Variants in KLF13 observed in about 807,000 individuals in gnomAD.
KLF13 encodes Krueppel-like factor 13.
KLF13 carries 8 observed loss-of-function variants against 16.7 expected under a neutral mutation model. The observed-to-expected ratio is 0.48, with a 90% CI of 0.28 to 0.87. KLF13 has a LOEUF of 0.87. KLF13 is among the 40% of genes least tolerant of loss of function. The probability of loss-of-function intolerance (pLI) is 0.10; values close to 1 mark genes in which losing one functional copy is unlikely to be tolerated. For synonymous variants in KLF13, 245 were observed against 208.4 expected, an observed-to-expected ratio of 1.18 and a Z score of -1.51; for missense variants, 447 against 452.2, an observed-to-expected ratio of 0.99 and a Z score of 0.10.
chr15:31,430,550 C>A (rs1331410270), intron 1 of KLF13, among the ~76,000 whole-genome samples: 1 of 152,156 alleles, frequency 6.6e-6, no homozygotes, highest in Non-Finnish European at 1.5e-5. Flanking sequence ...CCCTTGAAAA[C>A]AAACCCACTT....
chr15:31,358,173 T>G (rs527654324), intron 1 of KLF13, among the ~76,000 whole-genome samples: 87 of 152,056 alleles, frequency 5.7e-4, no homozygotes, highest in Non-Finnish European at 1.0e-3. Context: ...TATCCAGGAG[T>G]TTGCCAGAGA....
intron 1 of KLF13, among the ~76,000 whole-genome samples, chr15:31,415,811 A>G (rs2040247926): frequency 1.3e-5 from 2 of 152,060 alleles, no homozygotes; most frequent in African/African-American, 4.8e-5. Flanking sequence ...AGAATAAAAA[A>G]CAATAGATGG....
chr15:31,356,380 C>A (rs2039300757), intron 1 of KLF13, among the ~76,000 whole-genome samples: 1 of 152,156 alleles, frequency 6.6e-6, no homozygotes, highest in Admixed American at 6.5e-5. Context: ...ATGGTGAAAC[C>A]CTGTCTCTAC....
In KLF13 at chr15:31,352,221, C is replaced by T. The variant is rs2039228098; in HGVS notation, c.578-19789C>T. Among the ~76,000 whole-genome samples the T allele has an allele frequency of 2.0e-5, 3 of 152,224 alleles. 1 individual carries two copies. In the South Asian group the frequency reaches 6.2e-4, roughly 32 times the overall value. On this transcript the variant is annotated intron_variant, in intron 1 of 1. Coordinates refer to ENST00000307145, the MANE Select transcript of KLF13 (RefSeq NM_015995.4). ...CCCCTGGACACTGAGATCTTGGAGG[C>T]TTTGTGATCCAGCCTTGGATGCCGG...
intron 1 of KLF13, among the ~76,000 whole-genome samples, chr15:31,355,731 T>C (rs74010619): frequency 0.025 from 3,743 of 152,170 alleles, 156 homozygotes; most frequent in African/African-American, 0.086. Context: ...CAGTAAATGC[T>C]AGTTGCAGGT....
Position 31,327,808 on chromosome 15 carries a change from G to A in KLF13, c.577+19G>A. The A allele has an allele frequency of 2.1e-6, 3 of 1,453,918 alleles. No individual in the cohort carries two copies. The highest frequency in any genetic ancestry group is 2.8e-6 in the Non-Finnish European group (3 of 1,090,740). The allele number at this position is 1,453,918 out of a possible 1,614,324, so 90.1% of individuals were successfully genotyped here. A position where few individuals can be genotyped will look rare whatever the true frequency, so the allele number is the denominator to read the frequency against. Reference sequence around the variant, plus strand: ...CACACAGGTCAGTGGGGCGGCGCGGGCGCCCGGATCGCGCGGACGGGGTCG... The same window carrying A: ...CACACAGGTCAGTGGGGCGGCGCGGACGCCCGGATCGCGCGGACGGGGTCG... On this transcript the variant is annotated intron_variant, in intron 1 of 1. Coordinates refer to ENST00000307145, the MANE Select transcript of KLF13 (RefSeq NM_015995.4).
chr15:31,423,080 C>CAT (rs1211143135), intron 1 of KLF13, among the ~76,000 whole-genome samples: 1 of 109,972 alleles, frequency 9.1e-6, no homozygotes, highest in African/African-American at 4.6e-5. Context: ...ATAACAATTA[C>CAT]ATATATATAC....
intron 1 of KLF13, among the ~76,000 whole-genome samples, chr15:31,369,240 G>A (rs2039520527): frequency 1.3e-5 from 2 of 152,222 alleles, no homozygotes; most frequent in Admixed American, 1.3e-4. Flanking sequence ...CCACAGGTCA[G>A]TTGTATGGCC....
At chr15:31,329,192 G>T (rs1379969000) in intron 1 of KLF13, among the ~76,000 whole-genome samples, 1 of 151,590 alleles carries the variant, frequency 6.6e-6, no homozygotes, top group Non-Finnish European at 1.5e-5. Flanking sequence ...TCAGTTAAGG[G>T]TGTGGGGGCT....
At chr15:31,332,160 T>TATTG (rs896900707) in intron 1 of KLF13, among the ~76,000 whole-genome samples, 1 of 152,190 alleles carries the variant, frequency 6.6e-6, no homozygotes, top group Admixed American at 6.5e-5. Context: ...CTAGTGGTGG[T>TATTG]ATTGACAGGG....
intron 1 of KLF13, among the ~76,000 whole-genome samples, chr15:31,328,460 C>T (rs1276246907): frequency 6.6e-6 from 1 of 152,110 alleles, no homozygotes; most frequent in African/African-American, 2.4e-5. Context: ...TGTGGGAGCC[C>T]CCGCCCATCC....
intron 1 of KLF13, among the ~76,000 whole-genome samples, chr15:31,365,922 T>G (rs1430977046): frequency 6.6e-6 from 1 of 151,700 alleles, no homozygotes; most frequent in Non-Finnish European, 1.5e-5. Flanking sequence ...GAACACGTTG[T>G]CCCCGCCTGG....
chr15:31,343,466 T>C (rs1160327159), intron 1 of KLF13, among the ~76,000 whole-genome samples: 6 of 152,276 alleles, frequency 3.9e-5, no homozygotes, highest in African/African-American at 1.4e-4. Context: ...GAGACCAGCC[T>C]TCAGGCTGCT....
At chr15:31,416,137 CA>C (rs1327645695) in intron 1 of KLF13, among the ~76,000 whole-genome samples, 1 of 152,018 alleles carries the variant, frequency 6.6e-6, no homozygotes, top group Admixed American at 6.6e-5. Flanking sequence ...AAGAAATAAA[CA>C]ATCCGAATAT....
chr15:31,327,671 G>A lies in KLF13; in HGVS notation c.459G>A (p.Arg153=). 2 of 1,512,110 alleles carry A rather than the reference G, an allele frequency of 1.3e-6. No homozygotes were observed. The highest frequency in any genetic ancestry group is 8.9e-7 in the Non-Finnish European group (1 of 1,126,366). The allele number at this position is 1,512,110 out of a possible 1,614,324, so 93.7% of individuals were successfully genotyped here. A position where few individuals can be genotyped will look rare whatever the true frequency, so the allele number is the denominator to read the frequency against. The change falls in exon 1 of 2, where the codon CGG becomes CGA. Residue 153 remains arginine, a synonymous_variant. Coordinates refer to ENST00000307145, the MANE Select transcript of KLF13 (RefSeq NM_015995.4). ...CCGGCCTCAGACAAAGGGTCCGGCG[G>A]GGCCGAAGTCGCGCCGACCTCGAGT... ...GEPGLRQRVR[R]GRSRADLESP... is the part of the protein sequence containing the mutation.
intron 1 of KLF13, among the ~76,000 whole-genome samples, chr15:31,429,083 G>A (rs984357852): frequency 6.6e-6 from 1 of 152,194 alleles, no homozygotes; most frequent in Non-Finnish European, 1.5e-5. Context: ...AACGCATTAA[G>A]TCAAGTACAG....
chr15:31,339,893 G>A, intron 1 of KLF13: 1 of 700,902 alleles, frequency 1.4e-6, no homozygotes, highest in Non-Finnish European at 2.6e-6. Flanking sequence ...CTCTCGTGCA[G>A]GCCTGACCCT....
In KLF13 at chr15:31,327,473, C is replaced by T; in HGVS notation, c.261C>T (p.Ala87=). 8.3e-7 allele frequency: 1 copy of T among 1,206,886 alleles called. No homozygotes were observed. Among genetic ancestry groups the T allele is most frequent in the Non-Finnish European group, 1.0e-6 (1 of 972,194 alleles). The allele number at this position is 1,206,886 out of a possible 1,614,324, so 74.8% of individuals were successfully genotyped here. A position where few individuals can be genotyped will look rare whatever the true frequency, so the allele number is the denominator to read the frequency against. ...CCCCGGCGGAGCGCAGGGAGGGCGC[C>T]GCGGCCCGGAAGGCGAGGACCCCCT... ...APAPAERREG[A]AARKARTPCR... Residue 87 remains alanine, a synonymous_variant, in exon 1 of 2, where the codon GCC becomes GCT. Transcript: ENST00000307145.
intron 1 of KLF13, among the ~76,000 whole-genome samples, chr15:31,387,053 G>T (rs2039803568): frequency 6.6e-6 from 1 of 152,222 alleles, no homozygotes; most frequent in African/African-American, 2.4e-5. Context: ...TCTACTCCTT[G>T]TGAAGATGCT....
Sources: allele counts gnomAD v4.1 joint callset (sites outside exome capture counted in the v4.1 genomes callset), GRCh38; gene constraint gnomAD v4.1.1; transcripts MANE v1.5; gene names NCBI Gene and HGNC (gene_info 2026-07-23, HGNC 2026-07-21).